Variants in SLC6A9 observed in about 807,000 individuals in gnomAD.
The protein encoded by SLC6A9 is sodium- and chloride-dependent glycine transporter 1.
SLC6A9 carries 31 observed loss-of-function variants against 70.9 expected under a neutral mutation model. The ratio of observed to expected loss-of-function variants is 0.44; its 90% confidence interval spans 0.33 to 0.59. SLC6A9 has a LOEUF of 0.59. SLC6A9 is among the 20% of genes least tolerant of loss of function. The pLI, the probability that SLC6A9 is intolerant of heterozygous loss-of-function variation, is 0.04. For missense variants in SLC6A9, 631 were observed against 845.2 expected, an observed-to-expected ratio of 0.75 and a Z score of 3.14; for synonymous variants, 310 against 341.3, an observed-to-expected ratio of 0.91 and a Z score of 1.01.
chr1:44,006,353 C>T lies in SLC6A9; in HGVS notation c.590+2000G>A, dbSNP rs529458388. On this transcript the variant is annotated intron_variant, in intron 5 of 13. Transcript: ENST00000372310. The stretch of plus-strand genomic sequence containing the variant: ...CTGTAACCCCAGCACTTTGGGAGGC[C>T]GAGGTGGGTGGATCACCTGAGGTCA... 9.2e-5 allele frequency among the ~76,000 whole-genome samples: 14 copies of T among 152,052 alleles called. No individual in the cohort carries two copies. In the East Asian group the frequency reaches 9.7e-4, roughly 10 times the overall value.
chr1:44,002,271 G>T lies in SLC6A9; in HGVS notation c.962+42C>A. The T allele has an allele frequency of 7.1e-7, 1 of 1,398,972 alleles. No homozygotes were observed. The highest frequency in any genetic ancestry group is 1.0e-6 in the Non-Finnish European group (1 of 983,738). The allele number at this position is 1,398,972 out of a possible 1,614,324, so 86.7% of individuals were successfully genotyped here. ...TGGAGCTGAGATCAGGCTGCAGAGA[G>T]TGCAGGAAGGGGGCAGCCTCAGCCC... On this transcript the variant is annotated intron_variant, in intron 8 of 13. Coordinates refer to ENST00000372310, the MANE Select transcript of SLC6A9 (RefSeq NM_001024845.3). The surrounding 1 kb of genome is among the most constrained non-coding windows in gnomAD (Gnocchi z 5.5).
chr1:44,016,800 C>T (rs2086760085), intron 2 of SLC6A9, among the ~76,000 whole-genome samples: 1 of 152,174 alleles, frequency 6.6e-6, no homozygotes, highest in African/African-American at 2.4e-5. Context: ...TCAGCAGGTC[C>T]TTGGGCTGGG....
In SLC6A9 at chr1:43,997,525, C is replaced by T; in HGVS notation, c.*20G>A. 1 of 1,607,828 alleles carries T rather than the reference C, an allele frequency of 6.2e-7. No individual in the cohort carries two copies. Among genetic ancestry groups the T allele is most frequent in the Non-Finnish European group, 8.5e-7 (1 of 1,175,874 alleles). On this transcript the variant is annotated 3_prime_UTR_variant, in exon 14 of 14. Coordinates refer to ENST00000372310, the MANE Select transcript of SLC6A9 (RefSeq NM_001024845.3). This position sits in a 1 kb window ranked among gnomAD's most constrained non-coding sequence, Gnocchi z 4.4. ...TGGGAGCACGGGGTGGGGGTGGGGC[C>T]ACTCCCCTGGCAGCTGTGCTCATAT...
chr1:44,030,095 G>A (rs980392271), intron 1 of SLC6A9, among the ~76,000 whole-genome samples: 31 of 152,116 alleles, frequency 2.0e-4, no homozygotes, highest in Non-Finnish European at 2.6e-4. Context: ...CCGAAAGGGG[G>A]TGCGGCTCCT....
At chr1:44,017,355 A>C in intron 2 of SLC6A9, 2 of 1,327,954 alleles carry the variant, frequency 1.5e-6, no homozygotes, top group East Asian at 3.4e-5. Flanking sequence ...TGTTCCCAGC[A>C]AGTAACTGGA....
In SLC6A9 at chr1:44,002,153, C is replaced by G. The variant is rs931202737; in HGVS notation, c.962+160G>C. Among the ~76,000 whole-genome samples the G allele has an allele frequency of 2.0e-5, 3 of 152,220 alleles. No individual in the cohort carries two copies. Among genetic ancestry groups the G allele is most frequent in the Non-Finnish European group, 2.9e-5 (2 of 68,040 alleles). On this transcript the variant is annotated intron_variant, in intron 8 of 13. Coordinates refer to ENST00000372310, the MANE Select transcript of SLC6A9 (RefSeq NM_001024845.3). The surrounding 1 kb of genome is among the most constrained non-coding windows in gnomAD (Gnocchi z 5.5). ...TCTTCTCTCTCCTGCCTAAACCTCT[C>G]TCCTCATTCTCCAACAACTTTATCC...
At position 44,002,354 on chromosome 1, in the gene SLC6A9, G is replaced by A. The variant is rs1413485866; in HGVS notation, c.921C>T (p.Ile307=). Residue 307 remains isoleucine (I), a synonymous_variant, in exon 8 of 14, where the codon ATC becomes ATT. Transcript: ENST00000372310. The surrounding 1 kb of genome is among the most constrained non-coding windows in gnomAD (Gnocchi z 5.5). ...GGAACTTGTTGTAGGAAGCCATGGTGATGAGGCCTCCCCACGCGCAGCCCA... is the reference window on the plus strand; with the variant it reads ...GGAACTTGTTGTAGGAAGCCATGGTAATGAGGCCTCCCCACGCGCAGCCCA... ...YSLGCAWGGL[I]TMASYNKFHN... 1 of 1,613,964 alleles carries A rather than the reference G, an allele frequency of 6.2e-7. No homozygotes were observed. Among genetic ancestry groups the A allele is most frequent in the African/African-American group, 1.3e-5 (1 of 74,914 alleles).
intron 11 of SLC6A9, 29 bp downstream of exon 11, chr1:44,000,927 C>A: frequency 1.2e-6 from 2 of 1,600,652 alleles, no homozygotes; most frequent in Non-Finnish European, 1.7e-6. Flanking sequence ...AGGGCCGGGT[C>A]GCGGGAGGCC....
At position 44,018,240 on chromosome 1, in the gene SLC6A9, A is replaced by G. The variant is rs1223773476; in HGVS notation, c.30+6008T>C. On this transcript the variant is annotated intron_variant, in intron 2 of 13. Transcript: ENST00000372310. The surrounding 1 kb of genome is among the most constrained non-coding windows in gnomAD (Gnocchi z 4.2). ...GAACAGCTTTCCTGTGAGTTTGGTGAGTGTGGCAACCCCGTAGGGAACATA... is the reference window on the plus strand; with the variant it reads ...GAACAGCTTTCCTGTGAGTTTGGTGGGTGTGGCAACCCCGTAGGGAACATA... 1.3e-5 allele frequency among the ~76,000 whole-genome samples: 2 copies of G among 152,204 alleles called. No homozygotes were observed. The highest frequency in any genetic ancestry group is 4.8e-5 in the African/African-American group (2 of 41,464).
At chr1:44,008,101 C>T (rs1055095931) in intron 5 of SLC6A9, among the ~76,000 whole-genome samples, 1 of 152,140 alleles carries the variant, frequency 6.6e-6, no homozygotes, top group Non-Finnish European at 1.5e-5. Flanking sequence ...ATCTCCTGAC[C>T]TCGTGATCTG....
chr1:44,016,035 C>T (rs1281128561), intron 2 of SLC6A9, among the ~76,000 whole-genome samples: 2 of 152,224 alleles, frequency 1.3e-5, no homozygotes, highest in Non-Finnish European at 2.9e-5. Context: ...TTGCAGAGCC[C>T]TGACTGGCAG....
At chr1:44,015,567 C>A (rs1253896108) in intron 2 of SLC6A9, among the ~76,000 whole-genome samples, 1 of 152,262 alleles carries the variant, frequency 6.6e-6, no homozygotes, top group Non-Finnish European at 1.5e-5. Context: ...GCAACTTTCT[C>A]TAAGCCCCAA....
At chr1:44,031,019 C>T (rs1423286060) in intron 1 of SLC6A9, among the ~76,000 whole-genome samples, 1 of 151,928 alleles carries the variant, frequency 6.6e-6, no homozygotes, top group Non-Finnish European at 1.5e-5. Context: ...CAGGAGCTCC[C>T]CCCACTTCCC....
chr1:44,017,156 G>A (rs746480769), intron 2 of SLC6A9: 9 of 1,605,270 alleles, frequency 5.6e-6, no homozygotes, highest in East Asian at 4.5e-5. Flanking sequence ...CAGCTCCAGC[G>A]CGACACTGAC....
intron 8 of SLC6A9, 41 bp from the exon 9 acceptor site, chr1:44,001,668 A>G (rs199733774): frequency 4.6e-5 from 70 of 1,514,118 alleles, no homozygotes; most frequent in East Asian, 1.8e-4. Context: ...CCTCTCCCCA[A>G]TTTGGGCCAA....
chr1:44,015,656 A>C (rs1358487708), intron 2 of SLC6A9, among the ~76,000 whole-genome samples: 1 of 152,104 alleles, frequency 6.6e-6, no homozygotes, highest in African/African-American at 2.4e-5. Context: ...CCGGCCAGGC[A>C]CCCCTCAGTT....
rs1043442244 is a variant in SLC6A9 at position 44,002,633 on chromosome 1, G to A, written c.737C>T (p.Thr246Met). The A allele has an allele frequency of 5.0e-6, 8 of 1,614,098 alleles. No individual in the cohort carries two copies. Among genetic ancestry groups the A allele is most frequent in the Middle Eastern group, 1.6e-4 (1 of 6,062 alleles). Residue 246 changes from threonine (T) to methionine (M), a missense_variant, in exon 7 of 14, where the codon ACG (threonine) becomes ATG (methionine). Coordinates refer to ENST00000372310, the MANE Select transcript of SLC6A9 (RefSeq NM_001024845.3). The surrounding 1 kb of genome is among the most constrained non-coding windows in gnomAD (Gnocchi z 5.5). ...VKSSGKVVYFTATFPYVVLTI... is the reference protein window; with the variant it reads ...VKSSGKVVYFMATFPYVVLTI... ...CAGCACCACGTAGGGGAACGTGGCC[G>A]TGAAGTACACCACCTGGCACAAGAG... is the stretch of plus-strand genomic sequence containing the variant.
chr1:44,001,190 G>A lies in SLC6A9; in HGVS notation c.1309C>T (p.Leu437=), dbSNP rs1177446562. The A allele has an allele frequency of 1.9e-6, 3 of 1,614,238 alleles. No homozygotes were observed. Among genetic ancestry groups the A allele is most frequent in the African/African-American group, 2.7e-5 (2 of 75,076 alleles). Residue 437 remains leucine, a synonymous_variant, in exon 10 of 14, where the codon CTG becomes TTG. Coordinates refer to ENST00000372310, the MANE Select transcript of SLC6A9 (RefSeq NM_001024845.3). Reference sequence around the variant, plus strand: ...TGGCTGGTGAGGGGGATGCCCAGCAGGAAGCCAGCCACAGCCACGCCCAAG... The same window carrying A: ...TGGCTGGTGAGGGGGATGCCCAGCAAGAAGCCAGCCACAGCCACGCCCAAG... The part of the protein sequence containing the change: ...VTLGVAVAGF[L]LGIPLTSQAG...
intron 2 of SLC6A9, among the ~76,000 whole-genome samples, chr1:44,015,699 T>C (rs1571899630): frequency 1.3e-5 from 2 of 152,356 alleles, no homozygotes; most frequent in East Asian, 1.9e-4. Flanking sequence ...GGGCCCAGCC[T>C]GGCCCACAGG....
Sources: gnomAD v4.1 joint callset for allele counts (sites outside exome capture counted in the v4.1 genomes callset) on GRCh38, gnomAD v4.1.1 for gene constraint, Gnocchi (gnomAD v3.1) non-coding constraint, MANE v1.5 for transcripts, NCBI Gene and HGNC (gene_info 2026-07-23, HGNC 2026-07-21) for gene names.